The following HGSNAT variants were observed in gnomAD, a reference collection of about 807,000 sequenced individuals.
HGSNAT encodes transmembrane protein 76.
A neutral mutation model predicts 85.2 loss-of-function variants in HGSNAT; 59 were observed. That is an observed-to-expected ratio of 0.69 (90% CI 0.56 to 0.86). The LOEUF is 0.86. HGSNAT is among the 40% of genes least tolerant of loss of function. HGSNAT has a pLI of 0.00. For missense variants in HGSNAT, 756 were observed against 777.1 expected (o/e 0.97, Z 0.32); for synonymous variants, 321 against 304.5 (o/e 1.05, Z -0.56).
intron 11 of HGSNAT, among the ~76,000 whole-genome samples, chr8:43,186,684 T>C (rs1804325268): frequency 1.3e-5 from 2 of 152,234 alleles, no homozygotes; most frequent in South Asian, 4.1e-4. Context: ...TTCTGCTAGC[T>C]TTTGAATGTG....
intron 2 of HGSNAT, among the ~76,000 whole-genome samples, chr8:43,150,649 C>T (rs183480463): frequency 7.9e-5 from 12 of 152,048 alleles, no homozygotes; most frequent in South Asian, 2.1e-4. Context: ...CTGGCCAACA[C>T]GGTGAAACCC....
chr8:43,144,139 G>T (rs1424604455), intron 1 of HGSNAT, among the ~76,000 whole-genome samples: 1 of 151,770 alleles, frequency 6.6e-6, no homozygotes, highest in Non-Finnish European at 1.5e-5. Flanking sequence ...AGGTAACATG[G>T]TGAAACCCTG....
At chr8:43,153,396 A>T (rs1802981040) in intron 2 of HGSNAT, among the ~76,000 whole-genome samples, 1 of 152,040 alleles carries the variant, frequency 6.6e-6, no homozygotes, top group African/African-American at 2.4e-5. Context: ...GTACATATTT[A>T]TGGGGTACAG....
chr8:43,153,636 A>G (rs1802992463), intron 2 of HGSNAT, among the ~76,000 whole-genome samples: 1 of 152,096 alleles, frequency 6.6e-6, no homozygotes, highest in Admixed American at 6.6e-5. Context: ...AACTATAGTC[A>G]CCCTACTGTG....
chr8:43,152,561 C>T (rs1802952483), intron 2 of HGSNAT, among the ~76,000 whole-genome samples: 1 of 152,126 alleles, frequency 6.6e-6, no homozygotes, highest in East Asian at 1.9e-4. Flanking sequence ...AGAAATCCTT[C>T]TGCTTCAGCC....
chr8:43,173,931 TG>T (rs1351129965), intron 9 of HGSNAT, 188 bp downstream of exon 9: 1 of 551,438 alleles, frequency 1.8e-6, no homozygotes, highest in Admixed American at 3.3e-5. Context: ...AAGAGTGATT[TG>T]GGGCCGGGCG....
intron 11 of HGSNAT, 33 bp from the exon 12 acceptor site, chr8:43,191,432 GCATTTAGTT>G (rs779202303): frequency 6.3e-7 from 1 of 1,599,120 alleles, no homozygotes; most frequent in South Asian, 1.1e-5. Flanking sequence ...CCTTCTATTT[GCATTTAGTT>G]CACCCGTGTT....
At chr8:43,141,171 A>G (rs955030087) in intron 1 of HGSNAT, among the ~76,000 whole-genome samples, 1 of 152,152 alleles carries the variant, frequency 6.6e-6, no homozygotes, top group African/African-American at 2.4e-5. Context: ...ACCTGCGTGG[A>G]TGTGCGGCGG....
At position 43,182,248 on chromosome 8, in the gene HGSNAT, A is replaced by C. The variant is rs781052651; in HGVS notation, c.1116A>C (p.Glu372Asp). The change falls in exon 11 of 18, where the codon GAA (glutamate) becomes GAC (aspartate). Residue 372 changes from glutamate to aspartate, a missense_variant. Coordinates refer to ENST00000379644, the MANE Select transcript of HGSNAT (RefSeq NM_152419.3). ...TCCTCTTTGCTAAACCTGTGCCTGA[A>C]CATTGTGCCTCGGTGAGAAACCATG... ...LELLFAKPVP[E>D]HCASERSCLS... 1.2e-6 allele frequency: 2 copies of C among 1,612,908 alleles called. No individual in the cohort carries two copies. The highest frequency in any genetic ancestry group is 1.7e-6 in the Non-Finnish European group (2 of 1,179,074).
chr8:43,155,893 G>C (rs1803077188), intron 2 of HGSNAT, among the ~76,000 whole-genome samples: 1 of 151,764 alleles, frequency 6.6e-6, no homozygotes, highest in East Asian at 1.9e-4. Context: ...CCAGGCTGGA[G>C]TGCAATGGCA....
Position 43,192,373 on chromosome 8 carries a change from C to G in HGSNAT, c.1320C>G (p.Gly440=). Residue 440 remains glycine (G), a synonymous_variant, in exon 13 of 18, where the codon GGC becomes GGG. Transcript: ENST00000379644. The stretch of plus-strand genomic sequence containing the variant: ...CAAATTGCACTGGAGGAGCTGCAGG[C>G]TACATCGACCGCCTGCTGCTGGGAG... ...KYPNCTGGAA[G]YIDRLLLGDD... 6.2e-7 allele frequency: 1 copy of G among 1,613,022 alleles called. No individual in the cohort carries two copies. The highest frequency in any genetic ancestry group is 8.5e-7 in the Non-Finnish European group (1 of 1,179,592).
chr8:43,194,628 G>C (rs1804648422), intron 14 of HGSNAT: 2 of 530,294 alleles, frequency 3.8e-6, no homozygotes, highest in African/African-American at 2.1e-5. Context: ...CAACTTGATT[G>C]GGGCATGTCC....
intron 2 of HGSNAT, among the ~76,000 whole-genome samples, chr8:43,152,969 C>T (rs952643677): frequency 1.3e-5 from 2 of 151,570 alleles, no homozygotes; most frequent in African/African-American, 2.4e-5. Context: ...GATCAAAAGA[C>T]GGCCCAAATT....
intron 12 of HGSNAT, among the ~76,000 whole-genome samples, chr8:43,192,005 T>C (rs1481338217): frequency 1.3e-5 from 2 of 152,140 alleles, no homozygotes; most frequent in African/African-American, 2.4e-5. Flanking sequence ...CTCGGCTCAC[T>C]GCAACCTGCG....
Position 43,140,566 on chromosome 8 carries a change from G to C in HGSNAT, c.70G>C (p.Ala24Pro). Residue 24 changes from alanine to proline, a missense_variant, in exon 1 of 18, where the codon GCC becomes CCC. Transcript: ENST00000379644. ...GTCCGTGCTGAGCGCCGCGCTGCTGGCCCCCGGCGGCTCTTCGGGGCGCGA... is the reference window on the plus strand; with the variant it reads ...GTCCGTGCTGAGCGCCGCGCTGCTGCCCCCCGGCGGCTCTTCGGGGCGCGA... Reference protein sequence around the residue: ...AASVLSAALLAPGGSSGRDAQ... With the variant: ...AASVLSAALLPPGGSSGRDAQ... 8.2e-7 allele frequency: 1 copy of C among 1,219,960 alleles called. No homozygotes were observed. The highest frequency in any genetic ancestry group is 1.0e-6 in the Non-Finnish European group (1 of 973,516). 75.6% of individuals were successfully genotyped at this position (1,219,960 alleles called of 1,614,324 possible). A position where few individuals can be genotyped will look rare whatever the true frequency, so the allele number is the denominator to read the frequency against.
chr8:43,141,151 C>G (rs975194077), intron 1 of HGSNAT, among the ~76,000 whole-genome samples: 4 of 152,194 alleles, frequency 2.6e-5, no homozygotes, highest in African/African-American at 9.6e-5. Flanking sequence ...TCGCCCCGCG[C>G]TGGGGTTGAA....
intron 11 of HGSNAT, among the ~76,000 whole-genome samples, chr8:43,186,038 C>G (rs911327244): frequency 2.0e-5 from 3 of 152,156 alleles, no homozygotes; most frequent in South Asian, 2.1e-4. Context: ...GATTCGGTTT[C>G]CCAGTATTTT....
intron 2 of HGSNAT, among the ~76,000 whole-genome samples, chr8:43,150,268 A>T (rs1402077499): frequency 6.6e-6 from 1 of 151,970 alleles, no homozygotes; most frequent in African/African-American, 2.4e-5. Context: ...TTAGTTTTTT[A>T]TAAGTAAGAT....
chr8:43,181,754 T>TG (rs1804132318), intron 10 of HGSNAT: 1 of 189,326 alleles, frequency 5.3e-6, no homozygotes, highest in African/African-American at 2.3e-5. Context: ...GAGTGGCTTG[T>TG]GTTGGGCCTG....
Sources: allele counts gnomAD v4.1 joint callset (sites outside exome capture counted in the v4.1 genomes callset), GRCh38; gene constraint gnomAD v4.1.1; transcripts MANE v1.5; gene names NCBI Gene and HGNC (gene_info 2026-07-23, HGNC 2026-07-21).